Variants in EVL observed in about 807,000 individuals in gnomAD.
EVL encodes Enah/Vasp-like.
In EVL, 21 loss-of-function variants were observed where a neutral mutation model predicts 59.6. The ratio of observed to expected loss-of-function variants is 0.35; its 90% CI spans 0.25 to 0.51. The LOEUF is 0.51. Ranked by LOEUF, EVL falls within the 20% of genes least tolerant of loss-of-function variation. EVL has a pLI of 0.97. For missense variants in EVL, 462 were observed against 546.6 expected, an observed-to-expected ratio of 0.85 and a Z score of 1.54; for synonymous variants, 198 against 203.5, an observed-to-expected ratio of 0.97 and a Z score of 0.23.
At chr14:100,071,028 CAGTT>C (rs551348024) in intron 1 of EVL, among the ~76,000 whole-genome samples, 326 of 152,226 alleles carry the variant, frequency 2.1e-3, no homozygotes, top group Non-Finnish European at 3.7e-3. Flanking sequence ...ACTCCCCCAA[CAGTT>C]GGTTGGAGTG....
At chr14:100,000,340 C>CTTTTTT (rs60864913) in intron 1 of EVL, among the ~76,000 whole-genome samples, 25 of 99,848 alleles carry the variant, frequency 2.5e-4, no homozygotes, top group Non-Finnish European at 4.1e-4. Context: ...CTGTTGCATT[C>CTTTTTT]TTTTTTTTTT....
At chr14:99,978,493 A>C (rs559650478) in intron 1 of EVL, among the ~76,000 whole-genome samples, 1 of 151,688 alleles carries the variant, frequency 6.6e-6, no homozygotes, top group African/African-American at 2.4e-5. Context: ...TTTTTAAGTC[A>C]GTCATTTTTT....
intron 1 of EVL, among the ~76,000 whole-genome samples, chr14:99,996,787 G>A (rs772943311): frequency 6.6e-6 from 1 of 152,112 alleles, no homozygotes; most frequent in Non-Finnish European, 1.5e-5. Flanking sequence ...GAGTGGCTGG[G>A]ACTATAGGCA....
intron 1 of EVL, among the ~76,000 whole-genome samples, chr14:100,046,348 T>C (rs2061545466): frequency 6.6e-6 from 1 of 152,056 alleles, no homozygotes; most frequent in African/African-American, 2.4e-5. Flanking sequence ...ATTTATTCTT[T>C]AGCAAACACA....
chr14:100,055,699 GGA>G (rs2061718266), intron 1 of EVL, among the ~76,000 whole-genome samples: 1 of 152,186 alleles, frequency 6.6e-6, no homozygotes, highest in Non-Finnish European at 1.5e-5. Context: ...GGTTTTATGT[GGA>G]AAGCTTTTAG....
At chr14:100,038,790 G>GTGTGTGTGTGTGTGTC (rs1486099857) in intron 1 of EVL, among the ~76,000 whole-genome samples, 1 of 151,660 alleles carries the variant, frequency 6.6e-6, no homozygotes, top group Non-Finnish European at 1.5e-5. Flanking sequence ...GTGTGTGTGT[G>GTGTGTGTGTGTGTGTC]TGTGTGTGTG....
chr14:100,082,965 T>C (rs555476826), intron 1 of EVL, among the ~76,000 whole-genome samples: 54 of 152,306 alleles, frequency 3.5e-4, no homozygotes, highest in African/African-American at 1.2e-3. Flanking sequence ...TAGCAGGTTC[T>C]CCTGCAGGGG....
At chr14:100,090,543 G>T (rs781332806) in intron 2 of EVL, among the ~76,000 whole-genome samples, 7 of 152,142 alleles carry the variant, frequency 4.6e-5, no homozygotes, top group Non-Finnish European at 7.4e-5. Flanking sequence ...CAATAATGCA[G>T]TAAGTAAGCC....
intron 1 of EVL, among the ~76,000 whole-genome samples, chr14:99,998,697 A>C (rs532275064): frequency 6.6e-6 from 1 of 152,332 alleles, no homozygotes; most frequent in South Asian, 2.1e-4. Context: ...ACAAACATAT[A>C]TACAGATAAA....
chr14:100,027,171 A>T (rs938660750), intron 1 of EVL, among the ~76,000 whole-genome samples: 1 of 152,236 alleles, frequency 6.6e-6, no homozygotes, highest in African/African-American at 2.4e-5. Context: ...TGATACAAGC[A>T]TACAGTGTAC....
chr14:100,048,345 C>A (rs1042054580), intron 1 of EVL, among the ~76,000 whole-genome samples: 2 of 152,142 alleles, frequency 1.3e-5, no homozygotes, highest in Non-Finnish European at 2.9e-5. Flanking sequence ...AAGACAGACA[C>A]TTCACCAAAG....
At position 100,143,750 on chromosome 14, in the gene EVL, C is replaced by T. The variant is rs759336949; in HGVS notation, c.*12C>T. The T allele has an allele frequency of 6.1e-5, 98 of 1,611,668 alleles. No homozygotes were observed. The highest frequency in any genetic ancestry group is 7.5e-5 in the Non-Finnish European group (89 of 1,179,510). ...TCAGCACCACGTAAGGGGCCGGCCT[C>T]GCTGCGCTGATTCGTCGAGCCCATC... is the stretch of plus-strand genomic sequence containing the variant. On this transcript the variant is annotated 3_prime_UTR_variant, in exon 14 of 14. Transcript: ENST00000392920.
chr14:100,087,228 G>A (rs1463277628), intron 2 of EVL, among the ~76,000 whole-genome samples: 1 of 152,208 alleles, frequency 6.6e-6, no homozygotes, highest in Non-Finnish European at 1.5e-5. Flanking sequence ...AAAATATATA[G>A]TAAGTTATAG....
chr14:100,134,260 G>T (rs957943801), intron 8 of EVL, among the ~76,000 whole-genome samples: 4 of 152,220 alleles, frequency 2.6e-5, no homozygotes, highest in East Asian at 1.9e-4. Context: ...CAGCCCTGGG[G>T]ATCTGAAGAC....
chr14:100,042,462 T>C (rs1391755181), intron 1 of EVL, among the ~76,000 whole-genome samples: 12 of 152,230 alleles, frequency 7.9e-5, no homozygotes, highest in Admixed American at 7.9e-4. Context: ...CAAAATACTC[T>C]CTAAATTGCT....
chr14:100,025,207 G>C (rs1047147080), intron 1 of EVL, among the ~76,000 whole-genome samples: 1 of 152,162 alleles, frequency 6.6e-6, no homozygotes, highest in Non-Finnish European at 1.5e-5. Context: ...TTCACTGAGA[G>C]TGAGAGCACA....
intron 2 of EVL, among the ~76,000 whole-genome samples, chr14:100,093,083 G>T (rs1021116493): frequency 1.3e-5 from 2 of 152,204 alleles, no homozygotes; most frequent in African/African-American, 4.8e-5. Context: ...GATTTTAGCT[G>T]TTGGCTGGTC....
intron 1 of EVL, among the ~76,000 whole-genome samples, chr14:100,007,446 G>GA (rs895963341): frequency 2.6e-5 from 4 of 152,140 alleles, no homozygotes; most frequent in Non-Finnish European, 5.9e-5. Flanking sequence ...TGATTTGGGG[G>GA]CCCCAAGATT....
Position 100,037,951 on chromosome 14 carries a change from C to T in EVL, c.6-46736C>T, listed in dbSNP as rs145306671. On this transcript the variant is annotated intron_variant, in intron 1 of 13. Transcript: ENST00000402714. ...GTCATTTCATTAACACCACTTTCAG[C>T]AAGTTAGAAATTACAGAGGAGGAAA... is the stretch of plus-strand genomic sequence containing the variant. Among the ~76,000 whole-genome samples, 544 of 152,282 alleles carry T rather than the reference C, an allele frequency of 3.6e-3. 1 individual carries two copies. Among genetic ancestry groups the T allele is most frequent in the African/African-American group, 0.013 (523 of 41,548 alleles).
Sources: gnomAD v4.1 joint callset for allele counts (sites outside exome capture counted in the v4.1 genomes callset) on GRCh38, gnomAD v4.1.1 for gene constraint, MANE v1.5 for transcripts, NCBI Gene and HGNC (gene_info 2026-07-23, HGNC 2026-07-21) for gene names.